DLG2: variants seen among roughly 807,000 people sequenced by gnomAD.
DLG2 encodes disks large homolog 2.
In DLG2, 45 loss-of-function variants were observed where a neutral mutation model predicts 132.5. The ratio of observed to expected loss-of-function variants is 0.34; its 90% confidence interval spans 0.27 to 0.44. DLG2 has a LOEUF of 0.44. DLG2 is among the 20% of genes least tolerant of loss of function. The pLI, the probability that DLG2 is intolerant of heterozygous loss-of-function variation, is 1.00. For synonymous variants in DLG2, 424 were observed against 419.6 expected, an observed-to-expected ratio of 1.01 and a Z score of -0.13; for missense variants, 1,045 against 1,196.9, an observed-to-expected ratio of 0.87 and a Z score of 1.87.
intron 6 of DLG2, among the ~76,000 whole-genome samples, chr11:84,581,063 T>A (rs182587130): frequency 5.3e-5 from 8 of 152,318 alleles, no homozygotes; most frequent in Admixed American, 5.2e-4. Flanking sequence ...ATGACTCCAG[T>A]ATTTGTGGTT....
At chr11:84,928,594 T>C (rs1055179778) in intron 6 of DLG2, among the ~76,000 whole-genome samples, 2 of 151,938 alleles carry the variant, frequency 1.3e-5, no homozygotes, top group Non-Finnish European at 2.9e-5. Flanking sequence ...AGACGATTCT[T>C]TCAGGGGTTT....
At chr11:83,694,681 A>T (rs2081572645) in intron 18 of DLG2, among the ~76,000 whole-genome samples, 1 of 152,210 alleles carries the variant, frequency 6.6e-6, no homozygotes, top group Non-Finnish European at 1.5e-5. Context: ...AACCAGATGG[A>T]GCAGTAGCAT....
At chr11:84,636,887 T>A in intron 6 of DLG2, among the ~76,000 whole-genome samples, 1 of 151,984 alleles carries the variant, frequency 6.6e-6, no homozygotes, top group Non-Finnish European at 1.5e-5. Flanking sequence ...GTTCAAGCAA[T>A]TCTCCTGCTT....
intron 6 of DLG2, among the ~76,000 whole-genome samples, chr11:84,706,874 A>G (rs2059837018): frequency 6.6e-6 from 1 of 151,804 alleles, no homozygotes; most frequent in Admixed American, 6.6e-5. Context: ...TGTCAATTAA[A>G]CGTAAATACA....
In DLG2 at chr11:83,670,081, C is replaced by T. The variant is rs187150013; in HGVS notation, c.1826-36756G>A. 1.1e-3 allele frequency among the ~76,000 whole-genome samples: 161 copies of T among 152,274 alleles called. 2 individuals are homozygous for T. Among genetic ancestry groups the T allele is most frequent in the Non-Finnish European group, 1.5e-3 (105 of 68,020 alleles). The stretch of plus-strand genomic sequence containing the variant: ...CAATATCACATCTACCTAACTCAAC[C>T]AGCTTATCCAGCTGAGGACAGGCAT... On this transcript the variant is annotated intron_variant, in intron 18 of 27. Transcript: ENST00000376104.
chr11:84,249,611 T>C (rs1248302000), intron 8 of DLG2, among the ~76,000 whole-genome samples: 1 of 152,162 alleles, frequency 6.6e-6, no homozygotes, highest in Non-Finnish European at 1.5e-5. Context: ...GAGTTAAAAT[T>C]TGTTAAGTGC....
chr11:85,570,883 G>C (rs1198277444), intron 3 of DLG2, among the ~76,000 whole-genome samples: 1 of 151,804 alleles, frequency 6.6e-6, no homozygotes, highest in Non-Finnish European at 1.5e-5. Flanking sequence ...CTGTTCAAAT[G>C]CTGTTGAGCC....
chr11:83,534,682 C>T (rs905411930), intron 20 of DLG2, among the ~76,000 whole-genome samples: 2 of 152,216 alleles, frequency 1.3e-5, no homozygotes, highest in Non-Finnish European at 2.9e-5. Flanking sequence ...CGCCTGTAAT[C>T]CCAGCACTTT....
chr11:83,906,824 T>C (rs75920999), intron 15 of DLG2, among the ~76,000 whole-genome samples: 3,069 of 152,256 alleles, frequency 0.02, 93 homozygotes, highest in African/African-American at 0.067. Flanking sequence ...CCTGTCAGTA[T>C]GGCTCCGAAA....
At chr11:83,538,073 T>A (rs780674119) in intron 20 of DLG2, among the ~76,000 whole-genome samples, 1 of 152,166 alleles carries the variant, frequency 6.6e-6, no homozygotes, top group South Asian at 2.1e-4. Context: ...TTATAATGAA[T>A]GTTAAATGAG....
chr11:84,357,017 G>C (rs915954736), intron 7 of DLG2, among the ~76,000 whole-genome samples: 2 of 151,948 alleles, frequency 1.3e-5, no homozygotes, highest in African/African-American at 4.8e-5. Flanking sequence ...AGAAATGAGT[G>C]AGCAAAGAAT....
chr11:85,493,630 C>G (rs918863372), intron 3 of DLG2, among the ~76,000 whole-genome samples: 38 of 151,356 alleles, frequency 2.5e-4, no homozygotes, highest in Non-Finnish European at 5.3e-4. Flanking sequence ...TGATTGTGCC[C>G]CTGCACTGCA....
intron 6 of DLG2, among the ~76,000 whole-genome samples, chr11:84,688,352 GAAA>G (rs1291749973): frequency 6.6e-6 from 1 of 152,050 alleles, no homozygotes; most frequent in Non-Finnish European, 1.5e-5. Context: ...TTAAAATTAG[GAAA>G]AAGAAAGTAG....
intron 3 of DLG2, among the ~76,000 whole-genome samples, chr11:85,476,457 C>G (rs906242239): frequency 1.3e-5 from 2 of 152,030 alleles, no homozygotes; most frequent in East Asian, 3.8e-4. Context: ...TTAAACTTAG[C>G]TTACTGTAAC....
chr11:85,412,390 A>G (rs972303693), intron 3 of DLG2, among the ~76,000 whole-genome samples: 10 of 151,596 alleles, frequency 6.6e-5, no homozygotes. Flanking sequence ...TTTTTTTCCC[A>G]TAGGTTATTG....
intron 3 of DLG2, among the ~76,000 whole-genome samples, chr11:85,541,561 A>G (rs1284114794): frequency 6.6e-6 from 1 of 151,784 alleles, no homozygotes; most frequent in Non-Finnish European, 1.5e-5. Context: ...AATGACTTAG[A>G]AAACATCTCC....
At chr11:83,515,174 G>T (rs1396879502) in intron 21 of DLG2, among the ~76,000 whole-genome samples, 1 of 152,064 alleles carries the variant, frequency 6.6e-6, no homozygotes, top group African/African-American at 2.4e-5. Flanking sequence ...TTTTTGGTTG[G>T]TAAGCTATTA....
chr11:84,668,429 C>G (rs192495127), intron 6 of DLG2, among the ~76,000 whole-genome samples: 28 of 152,222 alleles, frequency 1.8e-4, no homozygotes, highest in Admixed American at 1.1e-3. Context: ...AGAAGGTAAC[C>G]AGCTTCCCAA....
chr11:84,800,529 A>G (rs1275467242), intron 6 of DLG2: 1 of 152,188 alleles, frequency 6.6e-6, no homozygotes, highest in Non-Finnish European at 1.5e-5. Context: ...CTTGTTTTGC[A>G]GATAAGGATG....
Sources: gnomAD v4.1 joint callset for allele counts (sites outside exome capture counted in the v4.1 genomes callset) on GRCh38, gnomAD v4.1.1 for gene constraint, MANE v1.5 for transcripts, NCBI Gene and HGNC (gene_info 2026-07-23, HGNC 2026-07-21) for gene names.